Variants in CNTNAP2 observed in about 807,000 individuals in gnomAD.
The protein encoded by CNTNAP2 is contactin-associated protein-like 2.
CNTNAP2 carries 98 observed loss-of-function variants against 155.2 expected under a neutral mutation model. The observed-to-expected ratio is 0.63, with a 90% CI of 0.54 to 0.75. The LOEUF is 0.75. Ranked by LOEUF, CNTNAP2 falls within the 30% of genes least tolerant of loss-of-function variation. CNTNAP2 has a pLI of 0.00. For missense variants in CNTNAP2, 1,727 were observed against 1,688.1 expected, an observed-to-expected ratio of 1.02 and a Z score of -0.40; for synonymous variants, 651 against 631.2, an observed-to-expected ratio of 1.03 and a Z score of -0.47.
intron 1 of CNTNAP2, among the ~76,000 whole-genome samples, chr7:146,243,321 A>G (rs1180962331): frequency 6.6e-6 from 1 of 152,038 alleles, no homozygotes; most frequent in Non-Finnish European, 1.5e-5. Flanking sequence ...TATAACTCCT[A>G]CATATATAAC....
chr7:146,939,272 G>T (rs1340821221), intron 3 of CNTNAP2, among the ~76,000 whole-genome samples: 1 of 152,002 alleles, frequency 6.6e-6, no homozygotes, highest in Non-Finnish European at 1.5e-5. Context: ...AGTTCGTTTT[G>T]AATTCTTCTG....
intron 1 of CNTNAP2, among the ~76,000 whole-genome samples, chr7:146,479,659 A>G (rs539343219): frequency 6.6e-6 from 1 of 152,240 alleles, no homozygotes; most frequent in Non-Finnish European, 1.5e-5. Context: ...TATAAACTTT[A>G]TAAGTATAGA....
chr7:146,651,049 T>C (rs971443028), intron 1 of CNTNAP2, among the ~76,000 whole-genome samples: 1 of 151,738 alleles, frequency 6.6e-6, no homozygotes, highest in African/African-American at 2.4e-5. Context: ...ACAACTAGAT[T>C]CTCCATAAAA....
At chr7:146,923,323 TG>T (rs971348851) in intron 3 of CNTNAP2, among the ~76,000 whole-genome samples, 1 of 152,144 alleles carries the variant, frequency 6.6e-6, no homozygotes, top group Non-Finnish European at 1.5e-5. Context: ...TTACTATGTA[TG>T]GGGCATTGTG....
At chr7:148,036,887 A>G (rs891883882) in intron 15 of CNTNAP2, among the ~76,000 whole-genome samples, 2 of 152,254 alleles carry the variant, frequency 1.3e-5, no homozygotes, top group Non-Finnish European at 2.9e-5. Context: ...AGCCAACTTT[A>G]TGTGTTTTTT....
intron 20 of CNTNAP2, among the ~76,000 whole-genome samples, chr7:148,245,056 T>C (rs1262955992): frequency 1.3e-5 from 2 of 152,230 alleles, no homozygotes; most frequent in South Asian, 4.1e-4. Flanking sequence ...TAGTATTTTT[T>C]ATGAAAAGCA....
intron 1 of CNTNAP2, among the ~76,000 whole-genome samples, chr7:146,328,035 A>AT: frequency 6.6e-6 from 1 of 152,194 alleles, no homozygotes; most frequent in African/African-American, 2.4e-5. Context: ...CTTGGGCCAC[A>AT]GACCGGTACT....
At chr7:146,824,864 T>TG (rs1803369478) in intron 2 of CNTNAP2, among the ~76,000 whole-genome samples, 1 of 149,774 alleles carries the variant, frequency 6.7e-6, no homozygotes, top group African/African-American at 2.5e-5. Context: ...TTGGACCTGT[T>TG]TTTTTTTTTT....
At chr7:147,738,130 G>A (rs1796889516) in intron 13 of CNTNAP2, among the ~76,000 whole-genome samples, 1 of 152,168 alleles carries the variant, frequency 6.6e-6, no homozygotes, top group South Asian at 2.1e-4. Flanking sequence ...GCTGTAGACT[G>A]GAGCTGTTCC....
rs187858892 is a variant in CNTNAP2, at chr7:148,109,218, G to C, written c.2384-8900G>C. On this transcript the variant is annotated intron_variant, in intron 15 of 23. Coordinates refer to ENST00000361727, the MANE Select transcript of CNTNAP2 (RefSeq NM_014141.6). ...AGCACTCTGCTAAATGTATTTCATG[G>C]GTTATCTCCTGAGATTCTTACCATA... Among the ~76,000 whole-genome samples, 577 of 152,258 alleles carry C rather than the reference G, an allele frequency of 3.8e-3. 3 individuals are homozygous for C. The highest frequency in any genetic ancestry group is 5.9e-3 in the Non-Finnish European group (404 of 68,022).
chr7:146,636,303 T>C (rs141655984), intron 1 of CNTNAP2, among the ~76,000 whole-genome samples: 2,937 of 152,264 alleles, frequency 0.019, 50 homozygotes, highest in Middle Eastern at 0.075. Context: ...CAGTGAATTT[T>C]ATGGCATGTA....
intron 1 of CNTNAP2, among the ~76,000 whole-genome samples, chr7:146,183,671 C>A (rs913714113): frequency 6.6e-6 from 1 of 151,760 alleles, no homozygotes; most frequent in Non-Finnish European, 1.5e-5. Context: ...ACTAGAAACT[C>A]AACTGCCATC....
At chr7:146,858,754 C>A (rs778431935) in intron 3 of CNTNAP2, among the ~76,000 whole-genome samples, 3 of 152,134 alleles carry the variant, frequency 2.0e-5, no homozygotes, top group African/African-American at 7.2e-5. Context: ...ATATCAGTTG[C>A]TGAAAGGTAG....
intron 15 of CNTNAP2, among the ~76,000 whole-genome samples, chr7:148,058,909 G>C (rs937567857): frequency 1.3e-5 from 2 of 152,124 alleles, no homozygotes; most frequent in African/African-American, 4.8e-5. Flanking sequence ...GGGCACACAG[G>C]GGGTGTCTGG....
At chr7:147,219,422 A>G (rs1222718110) in intron 8 of CNTNAP2, among the ~76,000 whole-genome samples, 5 of 152,188 alleles carry the variant, frequency 3.3e-5, no homozygotes, top group African/African-American at 1.2e-4. Context: ...TCTAAGTCCA[A>G]GAGTCCAAAA....
intron 1 of CNTNAP2, among the ~76,000 whole-genome samples, chr7:146,237,509 A>G (rs570077282): frequency 6.6e-6 from 1 of 152,244 alleles, no homozygotes; most frequent in Non-Finnish European, 1.5e-5. Context: ...TGATCTTCAC[A>G]TACAAACTAA....
At chr7:146,424,224 C>A (rs1796054834) in intron 1 of CNTNAP2, among the ~76,000 whole-genome samples, 1 of 152,160 alleles carries the variant, frequency 6.6e-6, no homozygotes, top group African/African-American at 2.4e-5. Context: ...CTTTTGAGAT[C>A]TTCAAACTCC....
intron 1 of CNTNAP2, among the ~76,000 whole-genome samples, chr7:146,420,155 G>A (rs1238384501): frequency 6.6e-6 from 1 of 152,076 alleles, no homozygotes. Flanking sequence ...GGAAAATGAA[G>A]CAGTTGTCAG....
At chr7:146,867,989 T>C (rs1795238055) in intron 3 of CNTNAP2, among the ~76,000 whole-genome samples, 1 of 152,218 alleles carries the variant, frequency 6.6e-6, no homozygotes, top group African/African-American at 2.4e-5. Flanking sequence ...ACTCTGTTGA[T>C]AGTTTCTTTT....
Sources: allele counts gnomAD v4.1 joint callset (sites outside exome capture counted in the v4.1 genomes callset), GRCh38; gene constraint gnomAD v4.1.1; transcripts MANE v1.5; gene names NCBI Gene and HGNC (gene_info 2026-07-23, HGNC 2026-07-21).